The following CUX2 variants were observed in gnomAD, a reference collection of about 807,000 sequenced individuals.
CUX2 encodes the protein cut like homeobox 2, also known as homeobox protein cut-like 2.
A neutral mutation model predicts 144.8 loss-of-function variants in CUX2; 40 were observed. That is an observed-to-expected ratio of 0.28 (90% CI 0.21 to 0.36). The LOEUF is 0.36. CUX2 is among the 10% of genes least tolerant of loss of function. The pLI, the probability that CUX2 is intolerant of heterozygous loss-of-function variation, is 1.00. For missense variants in CUX2, 1,615 were observed against 1,994.0 expected (o/e 0.81, Z 3.62); for synonymous variants, 827 against 875.6 (o/e 0.94, Z 0.98).
rs150892280 is a variant in CUX2, at chr12:111,171,609, G to A, written c.64-42591G>A. On this transcript the variant is annotated intron_variant, in intron 1 of 21. Transcript: ENST00000261726. The surrounding 1 kb of genome is among the most constrained non-coding windows in gnomAD (Gnocchi z 5.0). ...CCTGACACATCTGGGGCTATGGGAC[G>A]GAAAAGCCCAGAGTGCCCTCTCTGA... 3.4e-3 allele frequency among the ~76,000 whole-genome samples: 512 copies of A among 152,292 alleles called. No homozygotes were observed. In the Middle Eastern group the frequency reaches 0.041, roughly 12 times the overall value.
chr12:111,068,893 G>A lies in CUX2; in HGVS notation c.63+34653G>A, dbSNP rs1871132527. Among the ~76,000 whole-genome samples the A allele has an allele frequency of 6.6e-6, 1 of 152,084 alleles. No homozygotes were observed. Among genetic ancestry groups the A allele is most frequent in the South Asian group, 2.1e-4 (1 of 4,826 alleles). On this transcript the variant is annotated intron_variant, in intron 1 of 21. Coordinates refer to ENST00000261726, the MANE Select transcript of CUX2 (RefSeq NM_015267.4). The surrounding 1 kb of genome is among the most constrained non-coding windows in gnomAD (Gnocchi z 4.9). ...GGCCGAGGCGGGTGGATCATTTGAGGTCAGGAGTTCGAGACCAGCCTGGCC... is the reference window on the plus strand; with the variant it reads ...GGCCGAGGCGGGTGGATCATTTGAGATCAGGAGTTCGAGACCAGCCTGGCC...
At chr12:111,198,544 G>T (rs979179828) in intron 1 of CUX2, among the ~76,000 whole-genome samples, 1 of 152,070 alleles carries the variant, frequency 6.6e-6, no homozygotes, top group Admixed American at 6.5e-5. Flanking sequence ...CTATGGAGGT[G>T]AACAAAACAG....
intron 3 of CUX2, among the ~76,000 whole-genome samples, chr12:111,227,764 C>G (rs965245106): frequency 3.9e-5 from 6 of 152,226 alleles, no homozygotes; most frequent in Admixed American, 2.0e-4. Flanking sequence ...CCCAAGTGCC[C>G]TCACCCCTCC....
chr12:111,147,567 G>A (rs1448160063), intron 1 of CUX2, among the ~76,000 whole-genome samples: 1 of 152,162 alleles, frequency 6.6e-6, no homozygotes, highest in Non-Finnish European at 1.5e-5. Flanking sequence ...TAGGCTCCCA[G>A]GATCCAGCTC....
chr12:111,070,292 G>T (rs1232436679), intron 1 of CUX2, among the ~76,000 whole-genome samples: 1 of 152,052 alleles, frequency 6.6e-6, no homozygotes, highest in Non-Finnish European at 1.5e-5. Context: ...TAAAACCGTT[G>T]TTAACACTAT....
Position 111,330,714 on chromosome 12 carries a change from T to TATATATATATATATACATATAC in CUX2, c.2927-3712_2927-3711insCATATACATATATATATATATA, listed in dbSNP as rs1565926162. Among the ~76,000 whole-genome samples, 156 of 36,446 alleles carry TATATATATATATATACATATAC rather than the reference T, an allele frequency of 4.3e-3. 8 individuals carry two copies. Among genetic ancestry groups the TATATATATATATATACATATAC allele is most frequent in the Admixed American group, 0.023 (88 of 3,780 alleles). 23.9% of individuals were successfully genotyped at this position (36,446 alleles called of 152,430 possible). Reference sequence around the variant, plus strand: ...ATATATATATATATATATATATATATATATATATATATATATATATATATA... The same window carrying TATATATATATATATACATATAC: ...ATATATATATATATATATATATATATATATATATATATATACATATACATATATATATATATATATATATATA... On this transcript the variant is annotated intron_variant, in intron 18 of 21. Coordinates refer to ENST00000261726, the MANE Select transcript of CUX2 (RefSeq NM_015267.4).
intron 4 of CUX2, among the ~76,000 whole-genome samples, chr12:111,267,230 G>A (rs1340124373): frequency 6.6e-6 from 1 of 151,618 alleles, no homozygotes; most frequent in Non-Finnish European, 1.5e-5. Flanking sequence ...AAGAAAGGGA[G>A]GGAGGGAGGA....
At chr12:111,106,203 G>A (rs1245747369) in intron 1 of CUX2, among the ~76,000 whole-genome samples, 1 of 152,104 alleles carries the variant, frequency 6.6e-6, no homozygotes, top group Non-Finnish European at 1.5e-5. Flanking sequence ...TGTTGCCTAG[G>A]CTGGTCTCAA....
rs138875592 is a variant in CUX2, at chr12:111,293,360, A to G, written c.437-86A>G. ...AAGTTTGGGAAATTGATCACAATCA[A>G]TGATCGATCCGGTTTACAGAAAGCG... On this transcript the variant is annotated intron_variant, in intron 5 of 21. Coordinates refer to ENST00000261726, the MANE Select transcript of CUX2 (RefSeq NM_015267.4). This position sits in a 1 kb window ranked among gnomAD's most constrained non-coding sequence, Gnocchi z 4.5. The G allele has an allele frequency of 1.0e-3, 1,517 of 1,488,636 alleles. 18 individuals carry two copies. The African/African-American group carries it at 0.018, about 18-fold the overall frequency. 92.2% of individuals were successfully genotyped at this position (1,488,636 alleles called of 1,614,324 possible).
intron 3 of CUX2, among the ~76,000 whole-genome samples, chr12:111,238,028 G>A (rs949635443): frequency 1.3e-5 from 2 of 152,198 alleles, no homozygotes; most frequent in Non-Finnish European, 2.9e-5. Context: ...GACGTTGCTA[G>A]ATGTCCCCTC....
chr12:111,189,198 G>A (rs912566028), intron 1 of CUX2, among the ~76,000 whole-genome samples: 6 of 152,142 alleles, frequency 3.9e-5, no homozygotes, highest in Non-Finnish European at 8.8e-5. Flanking sequence ...CCTGAGCCTG[G>A]GAGGTTGAGG....
intron 16 of CUX2, among the ~76,000 whole-genome samples, chr12:111,319,707 G>C (rs952662268): frequency 1.1e-4 from 17 of 152,318 alleles, no homozygotes; most frequent in Non-Finnish European, 2.5e-4. Context: ...ACTCCATCCT[G>C]AGCACCAGAG....
chr12:111,128,059 C>T (rs1274322505), intron 1 of CUX2, among the ~76,000 whole-genome samples: 1 of 152,126 alleles, frequency 6.6e-6, no homozygotes, highest in East Asian at 1.9e-4. Context: ...GGTGCCACTC[C>T]CACTTCCACC....
chr12:111,201,224 C>G (rs1880566014), intron 1 of CUX2, among the ~76,000 whole-genome samples: 1 of 152,170 alleles, frequency 6.6e-6, no homozygotes, highest in South Asian at 2.1e-4. Context: ...CACCCACCTT[C>G]CCCTCCGCTG....
chr12:111,156,420 T>C (rs1279735392), intron 1 of CUX2, among the ~76,000 whole-genome samples: 1 of 152,242 alleles, frequency 6.6e-6, no homozygotes, highest in Non-Finnish European at 1.5e-5. Flanking sequence ...CCTCCAGGGC[T>C]TTCCAGAATG....
chr12:111,100,030 G>T, intron 1 of CUX2: 1 of 457,020 alleles, frequency 2.2e-6, no homozygotes, highest in South Asian at 1.5e-5. Flanking sequence ...TGCCGGTGGT[G>T]CTGCTGACGG....
At chr12:111,081,951 G>A (rs1871917794) in intron 1 of CUX2, among the ~76,000 whole-genome samples, 1 of 152,200 alleles carries the variant, frequency 6.6e-6, no homozygotes, top group African/African-American at 2.4e-5. Flanking sequence ...TCCAGCCTCA[G>A]GAGTTGGCAT....
chr12:111,295,503 G>A lies in CUX2; in HGVS notation c.637+94G>A. ...CACGGCTTGGGGTCTGCCACATCCA[G>A]GTGTTTTAGAATCAAGAGGGCAAAA... is the stretch of plus-strand genomic sequence containing the variant. On this transcript the variant is annotated intron_variant, in intron 7 of 21. Transcript: ENST00000261726. This position sits in a 1 kb window ranked among gnomAD's most constrained non-coding sequence, Gnocchi z 5.0. 9.0e-7 allele frequency: 1 copy of A among 1,117,062 alleles called. No individual in the cohort carries two copies. The highest frequency in any genetic ancestry group is 1.3e-6 in the Non-Finnish European group (1 of 786,950). 69.2% of individuals were successfully genotyped at this position (1,117,062 alleles called of 1,614,324 possible). A position where few individuals can be genotyped will look rare whatever the true frequency, so the allele number is the denominator to read the frequency against.
intron 1 of CUX2, among the ~76,000 whole-genome samples, chr12:111,088,965 A>G (rs1872403418): frequency 1.3e-5 from 2 of 152,106 alleles, no homozygotes; most frequent in Admixed American, 1.3e-4. Flanking sequence ...CTGACCCCTC[A>G]GGAGTTACGA....
Sources: gnomAD v4.1 joint callset for allele counts (sites outside exome capture counted in the v4.1 genomes callset) on GRCh38, gnomAD v4.1.1 for gene constraint, Gnocchi (gnomAD v3.1) non-coding constraint, MANE v1.5 for transcripts, NCBI Gene and HGNC (gene_info 2026-07-23, HGNC 2026-07-21) for gene names.